Variants in ORC3 observed in about 807,000 individuals in gnomAD.
The protein encoded by ORC3 is origin recognition complex subunit 3, also known as homolog of latheo, Drosophila.
In ORC3, 78 loss-of-function variants were observed where a neutral mutation model predicts 100.7. The ratio of observed to expected loss-of-function variants is 0.77; its 90% CI spans 0.65 to 0.94. ORC3 has a LOEUF of 0.94. ORC3 is among the 40% of genes least tolerant of loss of function. ORC3 has a pLI of 0.00. For synonymous variants in ORC3, 295 were observed against 289.3 expected (o/e 1.02, Z -0.20); for missense variants, 789 against 823.9 (o/e 0.96, Z 0.52).
At chr6:87,651,016 A>G in intron 13 of ORC3, 1 of 365,448 alleles carries the variant, frequency 2.7e-6, no homozygotes, top group Non-Finnish European at 5.4e-6. Flanking sequence ...TCAAAGAAAA[A>G]ACAAAAAAAG....
chr6:87,666,041 G>C (rs28381549), intron 19 of ORC3, among the ~76,000 whole-genome samples: 3,471 of 152,028 alleles, frequency 0.023, 128 homozygotes, highest in African/African-American at 0.078. Flanking sequence ...TAAAACTTTT[G>C]GTATCAAATT....
intron 11 of ORC3, among the ~76,000 whole-genome samples, 185 bp from the exon 12 acceptor site, chr6:87,634,660 A>T (rs1247631341): frequency 6.6e-6 from 1 of 152,254 alleles, no homozygotes; most frequent in African/African-American, 2.4e-5. Flanking sequence ...ACCAGACTTG[A>T]TACTAAATCA....
chr6:87,640,031 T>C (rs1239654983), intron 13 of ORC3, among the ~76,000 whole-genome samples: 1 of 151,792 alleles, frequency 6.6e-6, no homozygotes, highest in Non-Finnish European at 1.5e-5. Context: ...AAAAAAGAAA[T>C]GTGAGCAAAG....
chr6:87,665,634 C>T (rs1443412394), intron 18 of ORC3, 120 bp from the exon 19 acceptor site: 4 of 609,870 alleles, frequency 6.6e-6, no homozygotes, highest in Admixed American at 2.8e-5. Flanking sequence ...TTTTGACAAT[C>T]TTAAATTTGA....
At chr6:87,664,915 T>TTG in intron 18 of ORC3, 56 bp downstream of exon 18, 1 of 1,045,098 alleles carries the variant, frequency 9.6e-7, no homozygotes, top group South Asian at 1.4e-5. Context: ...CATGATGACT[T>TTG]TCTCAGAATA....
In ORC3 at chr6:87,594,338, T is replaced by C; in HGVS notation, c.25-15T>C. 6.4e-7 allele frequency: 1 copy of C among 1,568,410 alleles called. No individual in the cohort carries two copies. The highest frequency in any genetic ancestry group is 8.7e-7 in the Non-Finnish European group (1 of 1,149,448). On this transcript the variant is annotated splice_polypyrimidine_tract_variant and intron_variant, in intron 1 of 19. Transcript: ENST00000392844. ...GGCTACTTTGACTTTATGCTTTTCG[T>C]CTTTCTTTTTATAGGGTTGCTTTGT...
intron 13 of ORC3, among the ~76,000 whole-genome samples, chr6:87,649,638 C>T (rs1025376905): frequency 6.6e-6 from 1 of 152,072 alleles, no homozygotes; most frequent in Admixed American, 6.6e-5. Flanking sequence ...TCCAGCTACT[C>T]AGGAGGCTGA....
chr6:87,633,174 A>C (rs984553549), intron 11 of ORC3, among the ~76,000 whole-genome samples: 1 of 152,254 alleles, frequency 6.6e-6, no homozygotes, highest in Admixed American at 6.5e-5. Flanking sequence ...CACAAGTAGC[A>C]TGCAGTGTGA....
chr6:87,621,283 G>T, intron 9 of ORC3, 71 bp from the exon 10 acceptor site: 8 of 1,154,308 alleles, frequency 6.9e-6, no homozygotes, highest in South Asian at 4.7e-5. Context: ...CCTTAAAATT[G>T]AGCAGATTGT....
chr6:87,594,670 G>C, intron 2 of ORC3: 3 of 649,952 alleles, frequency 4.6e-6, no homozygotes, highest in Non-Finnish European at 6.1e-6. Flanking sequence ...AAAAGAGATT[G>C]TCTTTTTGAT....
intron 16 of ORC3, among the ~76,000 whole-genome samples, chr6:87,659,807 G>A (rs1409347126): frequency 3.3e-5 from 5 of 151,954 alleles, no homozygotes; most frequent in East Asian, 1.9e-4. Flanking sequence ...GCTTGAACCC[G>A]GGAGGCAGAG....
At chr6:87,609,075 C>G (rs1204767906) in intron 6 of ORC3, 21 bp from the exon 7 acceptor site, 1 of 1,578,042 alleles carries the variant, frequency 6.3e-7, no homozygotes, top group Admixed American at 2.0e-5. Context: ...TTAACTCTTT[C>G]TTTCTGCAAT....
intron 13 of ORC3, among the ~76,000 whole-genome samples, chr6:87,648,880 G>A (rs187447889): frequency 1.1e-4 from 17 of 152,304 alleles, no homozygotes; most frequent in Non-Finnish European, 1.9e-4. Flanking sequence ...ATCATGAGCA[G>A]TGGTAAGTCT....
rs74984361 is a variant in ORC3 at position 87,667,425 on chromosome 6, A to G, written c.*302A>G. 4.5e-3 allele frequency: 1,096 copies of G among 244,018 alleles called. 9 individuals carry two copies. The highest frequency in any genetic ancestry group is 0.023 in the African/African-American group (1,028 of 44,902). The allele number at this position is 244,018 out of a possible 1,614,324, so 15.1% of individuals were successfully genotyped here. On this transcript the variant is annotated 3_prime_UTR_variant, in exon 20 of 20. Transcript: ENST00000392844. ...CTTGAACTTAGAGTATGTAAATGTA[A>G]TAAATTCCGTTATCCAGGAGTATAA...
At chr6:87,601,385 T>A (rs529528533) in intron 2 of ORC3, among the ~76,000 whole-genome samples, 1 of 152,250 alleles carries the variant, frequency 6.6e-6, no homozygotes, top group East Asian at 1.9e-4. Context: ...GTAAAAAAAA[T>A]TAAGGCCAGG....
At chr6:87,677,269 T>C in the ORC3 span, among the ~76,000 whole-genome samples, 1 of 152,122 alleles carries the variant, frequency 6.6e-6, no homozygotes, top group South Asian at 2.1e-4. Flanking sequence ...TCTAAGCAAA[T>C]TATCTTCTCT....
At chr6:87,649,755 A>G (rs1178772004) in intron 13 of ORC3, among the ~76,000 whole-genome samples, 1 of 152,216 alleles carries the variant, frequency 6.6e-6, no homozygotes, top group African/African-American at 2.4e-5. Flanking sequence ...TCAAATAAAA[A>G]TAAAAATAAA....
At chr6:87,594,471 A>G (rs1414848970) in intron 2 of ORC3, 64 bp downstream of exon 2, 1 of 1,434,218 alleles carries the variant, frequency 7.0e-7, no homozygotes, top group East Asian at 2.3e-5. Flanking sequence ...AACTAACCCT[A>G]ATTGAATTTA....
intron 3 of ORC3, among the ~76,000 whole-genome samples, chr6:87,602,155 C>G (rs1777951922): frequency 6.6e-6 from 1 of 151,848 alleles, no homozygotes; most frequent in Non-Finnish European, 1.5e-5. Context: ...TAACTTGAGC[C>G]TGGGAGGTGG....
Sources: gnomAD v4.1 joint callset for allele counts (sites outside exome capture counted in the v4.1 genomes callset) on GRCh38, gnomAD v4.1.1 for gene constraint, MANE v1.5 for transcripts, NCBI Gene and HGNC (gene_info 2026-07-23, HGNC 2026-07-21) for gene names.